Variants in RNF32 observed in about 807,000 individuals in gnomAD.
RNF32 encodes ring finger protein 32.
In RNF32, 36 loss-of-function variants were observed where a neutral mutation model predicts 41.0. That is an observed-to-expected ratio of 0.88 (90% CI 0.67 to 1.16). RNF32 has a LOEUF of 1.16. Among genes scored for constraint, RNF32 ranks in the 50% most tolerant of loss-of-function variants. The pLI is 0.00. For synonymous variants in RNF32, 154 were observed against 160.9 expected (o/e 0.96, Z 0.32); for missense variants, 413 against 436.7 (o/e 0.95, Z 0.48).
At chr7:156,650,730 G>A (rs1338445617) in intron 3 of RNF32, among the ~76,000 whole-genome samples, 2 of 152,216 alleles carry the variant, frequency 1.3e-5, no homozygotes, top group Admixed American at 6.5e-5. Context: ...GGTGCTGGGG[G>A]CCCTGTCTCT....
At chr7:156,644,219 A>T (rs761927685) in intron 2 of RNF32, among the ~76,000 whole-genome samples, 4 of 152,256 alleles carry the variant, frequency 2.6e-5, no homozygotes, top group Admixed American at 2.6e-4. Flanking sequence ...ATAGTGAAGC[A>T]GCGTGGGTTT....
At position 156,659,158 on chromosome 7, in the gene RNF32, C is replaced by G. The variant is rs374987116; in HGVS notation, c.684+588C>G. On this transcript the variant is annotated intron_variant, in intron 7 of 8. Transcript: ENST00000317955. ...GAAAAGGACAGTCCTACCCCATCAG[C>G]CTGTGGCTTCAGGCAAACAGCAGCA... 1.6e-5 allele frequency: 20 copies of G among 1,214,246 alleles called. No individual in the cohort carries two copies. The East Asian group carries it at 2.6e-4, about 16-fold the overall frequency. 75.2% of individuals were successfully genotyped at this position (1,214,246 alleles called of 1,614,324 possible). A position where few individuals can be genotyped will look rare whatever the true frequency, so the allele number is the denominator to read the frequency against.
intron 7 of RNF32, among the ~76,000 whole-genome samples, chr7:156,672,100 C>T (rs1802679478): frequency 6.6e-6 from 1 of 152,166 alleles, no homozygotes; most frequent in Non-Finnish European, 1.5e-5. Context: ...ATTAAAATAT[C>T]CTAAGCATTT....
chr7:156,644,792 T>C (rs1257993842), intron 3 of RNF32, 35 bp downstream of exon 3: 3 of 1,576,178 alleles, frequency 1.9e-6, no homozygotes, highest in African/African-American at 1.4e-5. Context: ...TTTGGCTTAT[T>C]AGGGCTAAAA....
chr7:156,640,498 CA>C (rs1269464864), upstream of RNF32: 5 of 353,770 alleles, frequency 1.4e-5, no homozygotes, highest in East Asian at 1.0e-4. Flanking sequence ...AGGCGATCCC[CA>C]AAAACGCCCG....
At chr7:156,674,558 CTG>C (rs1215781753) in intron 7 of RNF32, among the ~76,000 whole-genome samples, 1 of 152,196 alleles carries the variant, frequency 6.6e-6, no homozygotes, top group Non-Finnish European at 1.5e-5. Flanking sequence ...GGTGGCCACT[CTG>C]TAATGACTCA....
chr7:156,674,647 T>G (rs1260165578), intron 7 of RNF32, among the ~76,000 whole-genome samples: 1 of 152,086 alleles, frequency 6.6e-6, no homozygotes, highest in Non-Finnish European at 1.5e-5. Flanking sequence ...GCACTCCAGT[T>G]TGGGTGACAG....
intron 5 of RNF32, 122 bp downstream of exon 5, chr7:156,657,695 T>C (rs1799936735): frequency 3.3e-6 from 3 of 907,520 alleles, no homozygotes; most frequent in African/African-American, 1.6e-5. Context: ...CCACCATCTA[T>C]AGTTAAAGAA....
chr7:156,676,673 G>A lies in RNF32; in HGVS notation c.*18G>A. The stretch of plus-strand genomic sequence containing the variant: ...AATGTTGAATTCATAGTCAAGGAAA[G>A]TTAGGTAATTCTGAGGAAAAAAGTT... On this transcript the variant is annotated 3_prime_UTR_variant, in exon 9 of 9. Transcript: ENST00000317955. The A allele has an allele frequency of 1.9e-6, 3 of 1,598,102 alleles. No individual in the cohort carries two copies. The highest frequency in any genetic ancestry group is 3.3e-5 in the Admixed American group (2 of 59,944).
intron 3 of RNF32, 78 bp downstream of exon 3, chr7:156,644,835 T>A (rs1797787629): frequency 7.1e-7 from 1 of 1,402,744 alleles, no homozygotes; most frequent in Non-Finnish European, 9.8e-7. Flanking sequence ...TAATTTTTTA[T>A]GTTACAGAAA....
At chr7:156,668,895 T>C (rs1270103174) in intron 7 of RNF32, 2 of 152,256 alleles carry the variant, frequency 1.3e-5, no homozygotes, top group Admixed American at 6.5e-5. Context: ...TTTAGATTGA[T>C]TAAAATGCAT....
chr7:156,675,674 C>CGGCCCCCG, intron 7 of RNF32, 22 bp from the exon 8 acceptor site: 1 of 1,494,144 alleles, frequency 6.7e-7, no homozygotes, highest in Middle Eastern at 1.7e-4. Context: ...TGTGAGCTTA[C>CGGCCCCCG]CCGCCCCCGC....
chr7:156,654,879 A>G lies in RNF32; in HGVS notation c.417+161A>G. 9.9e-6 allele frequency: 6 copies of G among 605,538 alleles called. 1 individual carries two copies. In the South Asian group the frequency reaches 1.2e-4, roughly 12 times the overall value. The allele number at this position is 605,538 out of a possible 1,614,324, so 37.5% of individuals were successfully genotyped here. A position where few individuals can be genotyped will look rare whatever the true frequency, so the allele number is the denominator to read the frequency against. ...TGTTTTCCATTAATTAAAGTGTGTG[A>G]AGAGCTAAACACCCTCATTAAATAG... On this transcript the variant is annotated intron_variant, in intron 4 of 8. Coordinates refer to ENST00000317955, the MANE Select transcript of RNF32 (RefSeq NM_030936.4).
In RNF32 at chr7:156,675,719, C is replaced by A. The variant is rs1482159530; in HGVS notation, c.708C>A (p.Ile236=). 3 of 1,607,164 alleles carry A rather than the reference C, an allele frequency of 1.9e-6. No homozygotes were observed. In the Admixed American group the frequency reaches 5.0e-5, roughly 27 times the overall value. ...EKKFTEISHR[I]LCSYNTNIEE... is the part of the protein sequence containing the mutation. ...AGTTCACAGAAATCAGCCACCGCAT[C>A]CTGTGCTCATACAACACCAACATTG... The change falls in exon 8 of 9, where the codon ATC becomes ATA. Residue 236 remains isoleucine, a synonymous_variant. Coordinates refer to ENST00000317955, the MANE Select transcript of RNF32 (RefSeq NM_030936.4).
chr7:156,658,471 C>A lies in RNF32; in HGVS notation c.585C>A (p.Ala195=). Residue 195 remains alanine, a synonymous_variant, in exon 7 of 9, where the codon GCC becomes GCA. Transcript: ENST00000317955. ...FRIKCVTRIQ[A]YWRGCVVRKW... ...AATATCTGTGTTTTAGAATCCAAGC[C>A]TACTGGAGAGGATGTGTTGTTAGAA... 1 of 1,611,534 alleles carries A rather than the reference C, an allele frequency of 6.2e-7. No homozygotes were observed. Among genetic ancestry groups the A allele is most frequent in the Non-Finnish European group, 8.5e-7 (1 of 1,177,696 alleles).
At chr7:156,673,960 T>C (rs931275384) in intron 7 of RNF32, among the ~76,000 whole-genome samples, 2 of 151,754 alleles carry the variant, frequency 1.3e-5, no homozygotes, top group Non-Finnish European at 2.9e-5. Flanking sequence ...GACTAGAATA[T>C]TTGAAACCTG....
intron 1 of RNF32, 122 bp from the exon 2 acceptor site, chr7:156,643,679 C>A: frequency 1.6e-6 from 1 of 606,530 alleles, no homozygotes; most frequent in Non-Finnish European, 2.9e-6. Context: ...AGCTTAGTGC[C>A]ACCCTGTAGC....
intron 7 of RNF32, among the ~76,000 whole-genome samples, chr7:156,673,165 C>T (rs1171485526): frequency 6.6e-6 from 1 of 152,164 alleles, no homozygotes; most frequent in Non-Finnish European, 1.5e-5. Flanking sequence ...TCAGAACATA[C>T]CTCACAAGTT....
chr7:156,641,167 C>T (rs991762135), intron 1 of RNF32, among the ~76,000 whole-genome samples: 2 of 152,182 alleles, frequency 1.3e-5, no homozygotes, highest in African/African-American at 4.8e-5. Context: ...ATTGGAGCCT[C>T]GTCACCGCGC....
Sources: gnomAD v4.1 joint callset for allele counts (sites outside exome capture counted in the v4.1 genomes callset) on GRCh38, gnomAD v4.1.1 for gene constraint, MANE v1.5 for transcripts, NCBI Gene and HGNC (gene_info 2026-07-23, HGNC 2026-07-21) for gene names.